ANKRD46: variants seen among roughly 807,000 people sequenced by gnomAD.
ANKRD46 encodes ankyrin repeat domain 46.
A neutral mutation model predicts 19.8 loss-of-function variants in ANKRD46; 13 were observed. The ratio of observed to expected loss-of-function variants is 0.66; its 90% CI spans 0.43 to 1.04. The LOEUF is 1.04. Among genes scored for constraint, ANKRD46 ranks in the 50% least tolerant of loss-of-function variants. ANKRD46 has a pLI of 0.00. For synonymous variants in ANKRD46, 91 were observed against 106.9 expected (o/e 0.85, Z 0.92); for missense variants, 185 against 274.8 (o/e 0.67, Z 2.31).
At position 100,521,007 on chromosome 8, in the gene ANKRD46, A is replaced by C. The variant is rs954386940; in HGVS notation, c.*1548T>G. On this transcript the variant is annotated 3_prime_UTR_variant, in exon 5 of 5. Coordinates refer to ENST00000335659, the MANE Select transcript of ANKRD46 (RefSeq NM_001270377.2). ...TTGTAGTGTTCTCCATTCCAAAGCCAGCTGTTTTTTGCTGGATTTACACCA... is the reference window on the plus strand; with the variant it reads ...TTGTAGTGTTCTCCATTCCAAAGCCCGCTGTTTTTTGCTGGATTTACACCA... 1.2e-4 allele frequency: 115 copies of C among 985,164 alleles called. No homozygotes were observed. Among genetic ancestry groups the C allele is most frequent in the Non-Finnish European group, 1.3e-4 (107 of 829,912 alleles). 61.0% of individuals were successfully genotyped at this position (985,164 alleles called of 1,614,324 possible).
intron 1 of ANKRD46, among the ~76,000 whole-genome samples, chr8:100,541,377 A>T (rs1376963039): frequency 3.9e-5 from 6 of 152,148 alleles, no homozygotes; most frequent in Non-Finnish European, 8.8e-5. Flanking sequence ...CACCCTAAGT[A>T]AGTTTGAAGG....
At chr8:100,531,171 C>T (rs550926094) in intron 2 of ANKRD46, among the ~76,000 whole-genome samples, 3 of 152,260 alleles carry the variant, frequency 2.0e-5, no homozygotes, top group South Asian at 2.1e-4. Context: ...AGGAAATTGA[C>T]GAGAAAACAA....
rs1369434842 is a variant in ANKRD46 at position 100,544,671 on chromosome 8, C to CT, written c.-130-11361dup. ...AGGCACTATCTTGAGTAGTCCAACTCTAAGAGTCCCAGTTTCCTCATTTGC... is the reference window on the plus strand; with the variant it reads ...AGGCACTATCTTGAGTAGTCCAACTCTTAAGAGTCCCAGTTTCCTCATTTGC... On this transcript the variant is annotated intron_variant, in intron 1 of 4. Coordinates refer to ENST00000335659, the MANE Select transcript of ANKRD46 (RefSeq NM_001270377.2). This position sits in a 1 kb window ranked among gnomAD's most constrained non-coding sequence, Gnocchi z 4.4. Among the ~76,000 whole-genome samples the CT allele has an allele frequency of 8.0e-4, 122 of 152,334 alleles. No individual in the cohort carries two copies. Among genetic ancestry groups the CT allele is most frequent in the Non-Finnish European group, 2.6e-4 (18 of 68,024 alleles).
chr8:100,518,863 AT>A (rs1486663770), downstream of ANKRD46, among the ~76,000 whole-genome samples: 41 of 126,480 alleles, frequency 3.2e-4, no homozygotes, highest in South Asian at 7.6e-4. Context: ...AAAAAAAAAA[AT>A]AAATAAAATA....
In ANKRD46 at chr8:100,521,315, T is replaced by A; in HGVS notation, c.*1240A>T. On this transcript the variant is annotated 3_prime_UTR_variant, in exon 5 of 5. Coordinates refer to ENST00000335659, the MANE Select transcript of ANKRD46 (RefSeq NM_001270377.2). Reference sequence around the variant, plus strand: ...TTATTCCAAAAAACAAAACCATTAGTTCTTTCACTACAATTTCCTGACTTT... The same window carrying A: ...TTATTCCAAAAAACAAAACCATTAGATCTTTCACTACAATTTCCTGACTTT... 1 of 985,396 alleles carries A rather than the reference T, an allele frequency of 1.0e-6. No individual in the cohort carries two copies. Among genetic ancestry groups the A allele is most frequent in the Non-Finnish European group, 1.2e-6 (1 of 829,910 alleles). 61.0% of individuals were successfully genotyped at this position (985,396 alleles called of 1,614,324 possible). A position where few individuals can be genotyped will look rare whatever the true frequency, so the allele number is the denominator to read the frequency against.
downstream of ANKRD46, among the ~76,000 whole-genome samples, chr8:100,518,957 GT>G: frequency 6.6e-6 from 1 of 152,244 alleles, no homozygotes; most frequent in African/African-American, 2.4e-5. Context: ...AAAATTGTTT[GT>G]TTTCTAAACA....
rs1812059401 is a variant in ANKRD46, at chr8:100,536,062, G to C, written c.-130-2751C>G. 6.6e-6 allele frequency among the ~76,000 whole-genome samples: 1 copy of C among 152,038 alleles called. No individual in the cohort carries two copies. Among genetic ancestry groups the C allele is most frequent in the South Asian group, 2.1e-4 (1 of 4,796 alleles). ...AGGTTATTTATGGAAGAACCTGTAGGACCAAGCATTTGCAAGGGCACAGGT... is the reference window on the plus strand; with the variant it reads ...AGGTTATTTATGGAAGAACCTGTAGCACCAAGCATTTGCAAGGGCACAGGT... On this transcript the variant is annotated intron_variant, in intron 1 of 4. Transcript: ENST00000335659. This position sits in a 1 kb window ranked among gnomAD's most constrained non-coding sequence, Gnocchi z 4.9.
chr8:100,525,396 G>T lies in ANKRD46; in HGVS notation c.470+2449C>A, dbSNP rs971101743. On this transcript the variant is annotated intron_variant, in intron 4 of 4. Coordinates refer to ENST00000335659, the MANE Select transcript of ANKRD46 (RefSeq NM_001270377.2). This position sits in a 1 kb window ranked among gnomAD's most constrained non-coding sequence, Gnocchi z 4.4. ...TCTATAAGAAACTCTGTACCTATTA[G>T]CAGTCACTCCCATTGCCCCTTCTCC... Among the ~76,000 whole-genome samples the T allele has an allele frequency of 9.2e-5, 14 of 152,060 alleles. No homozygotes were observed. The highest frequency in any genetic ancestry group is 3.4e-4 in the African/African-American group (14 of 41,404).
At chr8:100,514,512 C>T (rs1291427224) in intron 5 of ANKRD46, among the ~76,000 whole-genome samples, 1 of 148,416 alleles carries the variant, frequency 6.7e-6, no homozygotes, top group East Asian at 2.0e-4. Context: ...AATAATAAAT[C>T]TTTAGGGAAA....
chr8:100,518,735 C>T (rs941796627), downstream of ANKRD46, among the ~76,000 whole-genome samples: 2 of 151,872 alleles, frequency 1.3e-5, no homozygotes, highest in African/African-American at 4.8e-5. Context: ...CCCTGTAATC[C>T]CAGCTACTCA....
chr8:100,528,807 G>A (rs368094158), intron 3 of ANKRD46, among the ~76,000 whole-genome samples: 3 of 152,076 alleles, frequency 2.0e-5, no homozygotes, highest in Middle Eastern at 3.4e-3. Flanking sequence ...CAGATTTAGG[G>A]GCATTATGGC....
rs2130638579 is a variant in ANKRD46, at chr8:100,521,164, AAT to A, written c.*1389_*1390del. The A allele has an allele frequency of 1.0e-6, 1 of 985,132 alleles. No homozygotes were observed. Among genetic ancestry groups the A allele is most frequent in the African/African-American group, 1.7e-5 (1 of 57,248 alleles). 61.0% of individuals were successfully genotyped at this position (985,132 alleles called of 1,614,324 possible). A position where few individuals can be genotyped will look rare whatever the true frequency, so the allele number is the denominator to read the frequency against. On this transcript the variant is annotated 3_prime_UTR_variant, in exon 5 of 5. Transcript: ENST00000335659. ...AAAGCCACATGAAAGAGCAAGCCTC[AAT>A]ACTAGATACATAGATACAAGAGAAA...
At chr8:100,531,396 T>A (rs976090068) in intron 2 of ANKRD46, among the ~76,000 whole-genome samples, 6 of 152,128 alleles carry the variant, frequency 3.9e-5, no homozygotes, top group African/African-American at 1.4e-4. Context: ...TTTGGTGAGA[T>A]TGCTGCCCCT....
intron 4 of ANKRD46, among the ~76,000 whole-genome samples, chr8:100,523,135 C>G (rs1235688707): frequency 6.7e-6 from 1 of 148,844 alleles, no homozygotes; most frequent in Admixed American, 6.8e-5. Context: ...CGGGACCAGC[C>G]TGGGTAACAT....
Position 100,522,526 on chromosome 8 carries a change from A to C in ANKRD46, c.*29T>G. ...AACATTGGAAGCCAGGAAACAGGCA[A>C]TTAATTGCCTCATCTTCCATGAGCT... On this transcript the variant is annotated 3_prime_UTR_variant, in exon 5 of 5. Transcript: ENST00000335659. 3.1e-6 allele frequency: 5 copies of C among 1,610,960 alleles called. No homozygotes were observed. The highest frequency in any genetic ancestry group is 4.2e-6 in the Non-Finnish European group (5 of 1,177,938).
At position 100,510,817 on chromosome 8, in the gene ANKRD46, C is replaced by T. The variant is rs2130622238; in HGVS notation, c.637-178G>A. Among the ~76,000 whole-genome samples, 4 of 152,340 alleles carry T rather than the reference C, an allele frequency of 2.6e-5. 1 individual carries two copies. Among genetic ancestry groups the T allele is most frequent in the Admixed American group, 2.6e-4 (4 of 15,308 alleles). ...CAGGAAGGGTCCTGCCGCTTCACAACTGTCCTTGGCTTCCTATAGGGAAGG... is the reference window on the plus strand; with the variant it reads ...CAGGAAGGGTCCTGCCGCTTCACAATTGTCCTTGGCTTCCTATAGGGAAGG... On this transcript the variant is annotated intron_variant, in intron 5 of 5. Transcript: ENST00000520552. The surrounding 1 kb of genome is among the most constrained non-coding windows in gnomAD (Gnocchi z 4.9).
At chr8:100,552,303 T>C (rs1339077040) in intron 1 of ANKRD46, among the ~76,000 whole-genome samples, 1 of 152,114 alleles carries the variant, frequency 6.6e-6, no homozygotes, top group South Asian at 2.1e-4. Context: ...CCAAAACAGC[T>C]ACAGCCTCAC....
chr8:100,545,238 T>G lies in ANKRD46; in HGVS notation c.-130-11927A>C, dbSNP rs568685428. Among the ~76,000 whole-genome samples the G allele has an allele frequency of 1.3e-5, 2 of 151,984 alleles. No individual in the cohort carries two copies. The highest frequency in any genetic ancestry group is 2.9e-5 in the Non-Finnish European group (2 of 67,982). On this transcript the variant is annotated intron_variant, in intron 1 of 4. Transcript: ENST00000335659. The surrounding 1 kb of genome is among the most constrained non-coding windows in gnomAD (Gnocchi z 4.7). ...TACTCGGGAGGCTGAGGTGGGAGGA[T>G]AGTGATTTAATTTGGCTTTGTGTCC...
rs528053355 is a variant in ANKRD46 at position 100,550,138 on chromosome 8, C to T, written c.-131+9573G>A. On this transcript the variant is annotated intron_variant, in intron 1 of 4. Transcript: ENST00000335659. The surrounding 1 kb of genome is among the most constrained non-coding windows in gnomAD (Gnocchi z 4.4). ...TAAGGCTGACATGAACACCCACATGCAGGTTTTTGTGTGGACAGTTTTTCA... is the reference window on the plus strand; with the variant it reads ...TAAGGCTGACATGAACACCCACATGTAGGTTTTTGTGTGGACAGTTTTTCA... 6.6e-6 allele frequency among the ~76,000 whole-genome samples: 1 copy of T among 152,184 alleles called. No homozygotes were observed. Among genetic ancestry groups the T allele is most frequent in the Non-Finnish European group, 1.5e-5 (1 of 68,034 alleles).
Sources: allele counts gnomAD v4.1 joint callset (sites outside exome capture counted in the v4.1 genomes callset), GRCh38; gene constraint gnomAD v4.1.1; non-coding constraint Gnocchi (gnomAD v3.1); transcripts MANE v1.5; gene names NCBI Gene and HGNC (gene_info 2026-07-23, HGNC 2026-07-21).